Variants in LUZP2 observed in about 807,000 individuals in gnomAD.
LUZP2 encodes the protein leucine zipper protein 2.
A neutral mutation model predicts 51.6 loss-of-function variants in LUZP2; 52 were observed. The ratio of observed to expected loss-of-function variants is 1.01; its 90% CI spans 0.81 to 1.27. The LOEUF is 1.27. Among genes scored for constraint, LUZP2 ranks in the 50% most tolerant of loss-of-function variants. The pLI, the probability that LUZP2 is intolerant of heterozygous loss-of-function variation, is 0.00. For synonymous variants in LUZP2, 154 were observed against 137.3 expected, an observed-to-expected ratio of 1.12 and a Z score of -0.85; for missense variants, 436 against 395.4, an observed-to-expected ratio of 1.10 and a Z score of -0.87.
intron 10 of LUZP2, among the ~76,000 whole-genome samples, chr11:25,066,189 A>T (rs751720450): frequency 1.3e-5 from 2 of 151,726 alleles, no homozygotes; most frequent in Non-Finnish European, 2.9e-5. Flanking sequence ...AAAATCTCCC[A>T]ACTCTTCCTA....
intron 5 of LUZP2, among the ~76,000 whole-genome samples, chr11:24,827,327 A>G (rs1335785054): frequency 6.6e-6 from 1 of 152,202 alleles, no homozygotes; most frequent in Non-Finnish European, 1.5e-5. Context: ...GATAACTTAC[A>G]ATATCTTTTC....
In LUZP2 at chr11:24,982,894, A is replaced by G. The variant is rs79816667; in HGVS notation, c.598-232A>G. On this transcript the variant is annotated intron_variant, in intron 8 of 11. Transcript: ENST00000336930. Reference sequence around the variant, plus strand: ...TCAGTTCAAGAGAAAGTAATAAGACATATCTTTGTATTTCAGTGTTCAAAA... The same window carrying G: ...TCAGTTCAAGAGAAAGTAATAAGACGTATCTTTGTATTTCAGTGTTCAAAA... Among the ~76,000 whole-genome samples, 1,187 of 151,980 alleles carry G rather than the reference A, an allele frequency of 7.8e-3. 34 individuals carry two copies. In the East Asian group the frequency reaches 0.095, roughly 12 times the overall value.
chr11:24,700,174 G>A (rs1450039933), intron 1 of LUZP2, among the ~76,000 whole-genome samples: 1 of 144,618 alleles, frequency 6.9e-6, no homozygotes, highest in Non-Finnish European at 1.5e-5. Flanking sequence ...CAAGTCTCTT[G>A]CCTCAGCCTC....
At chr11:24,835,028 C>T (rs975935789) in intron 5 of LUZP2, among the ~76,000 whole-genome samples, 19 of 151,936 alleles carry the variant, frequency 1.3e-4, no homozygotes, top group African/African-American at 4.3e-4. Flanking sequence ...CAAAAGTTTT[C>T]TCCCATTCTG....
intron 1 of LUZP2, among the ~76,000 whole-genome samples, chr11:24,577,730 C>A (rs1341753686): frequency 6.6e-6 from 1 of 151,966 alleles, no homozygotes; most frequent in African/African-American, 2.4e-5. Flanking sequence ...TTCTAATTTA[C>A]CCCCACCCCA....
intron 1 of LUZP2, among the ~76,000 whole-genome samples, chr11:24,571,994 A>G (rs5008808): frequency 0.58 from 87,617 of 151,684 alleles, 25,831 homozygotes; most frequent in East Asian, 0.8. Context: ...CTAATAAGCA[A>G]GAAAAATTAT....
At chr11:25,029,808 A>G (rs937707886) in intron 9 of LUZP2, among the ~76,000 whole-genome samples, 2 of 29,100 alleles carry the variant, frequency 6.9e-5, no homozygotes, top group Non-Finnish European at 6.7e-5. Context: ...TTCTCTCATA[A>G]AATTTGCTTT....
In LUZP2 at chr11:24,955,676, G is replaced by A. The variant is rs570274723; in HGVS notation, c.523-20915G>A. Among the ~76,000 whole-genome samples, 7 of 152,042 alleles carry A rather than the reference G, an allele frequency of 4.6e-5. 1 individual carries two copies. The highest frequency in any genetic ancestry group is 1.4e-4 in the African/African-American group (6 of 41,508). On this transcript the variant is annotated intron_variant, in intron 7 of 11. Transcript: ENST00000336930. ...GTTCAGGGGGATTTGAACAAAAAACGTGGGTGCATTCTAAACTAATTTCAT... is the reference window on the plus strand; with the variant it reads ...GTTCAGGGGGATTTGAACAAAAAACATGGGTGCATTCTAAACTAATTTCAT...
intron 5 of LUZP2, among the ~76,000 whole-genome samples, chr11:24,846,791 GTC>G (rs1477326194): frequency 2.6e-5 from 4 of 151,774 alleles, no homozygotes; most frequent in African/African-American, 9.7e-5. Flanking sequence ...CATCACATCA[GTC>G]TCTCTCTTTT....
intron 7 of LUZP2, among the ~76,000 whole-genome samples, chr11:24,922,312 G>T (rs539165357): frequency 8.5e-5 from 13 of 152,076 alleles, no homozygotes; most frequent in Non-Finnish European, 1.3e-4. Flanking sequence ...TACCTCTATT[G>T]TCATCTGCTC....
chr11:24,920,438 T>A (rs1244215530), intron 7 of LUZP2, among the ~76,000 whole-genome samples: 2 of 152,036 alleles, frequency 1.3e-5, no homozygotes, highest in Non-Finnish European at 2.9e-5. Context: ...ATCTCACTGT[T>A]GGGTATCTAC....
chr11:24,647,254 TTCTGTATTTTTCTACCTTC>T, intron 1 of LUZP2, among the ~76,000 whole-genome samples: 1 of 152,122 alleles, frequency 6.6e-6, no homozygotes, highest in East Asian at 1.9e-4. Context: ...CAAAACACCT[TTCTGTATTTTTCTACCTTC>T]AATCATTGCT....
intron 1 of LUZP2, among the ~76,000 whole-genome samples, chr11:24,536,476 C>T (rs1209733506): frequency 6.6e-6 from 1 of 151,834 alleles, no homozygotes; most frequent in Non-Finnish European, 1.5e-5. Flanking sequence ...TGCTGCTTCA[C>T]CTTGCACTTT....
chr11:24,652,508 A>C (rs979072137), intron 1 of LUZP2, among the ~76,000 whole-genome samples: 2 of 152,140 alleles, frequency 1.3e-5, no homozygotes, highest in African/African-American at 4.8e-5. Context: ...GAAAAGATTA[A>C]ACGTGAAAAT....
chr11:24,961,794 T>G (rs1855417173), intron 7 of LUZP2, among the ~76,000 whole-genome samples: 1 of 150,314 alleles, frequency 6.7e-6, no homozygotes, highest in Middle Eastern at 3.4e-3. Context: ...GTCATTATGA[T>G]GTTAGCTGGT....
chr11:24,701,951 C>T (rs1241906368), intron 1 of LUZP2, among the ~76,000 whole-genome samples: 1 of 152,104 alleles, frequency 6.6e-6, no homozygotes, highest in Non-Finnish European at 1.5e-5. Context: ...TTTCTATTCC[C>T]ATGTTGTTTT....
At chr11:24,619,070 C>T (rs1854401535) in intron 1 of LUZP2, among the ~76,000 whole-genome samples, 1 of 150,186 alleles carries the variant, frequency 6.7e-6, no homozygotes, top group African/African-American at 2.4e-5. Context: ...GCTTTTTTAC[C>T]CAAGTTGCAG....
chr11:24,535,404 T>C (rs1479493834), intron 1 of LUZP2, among the ~76,000 whole-genome samples: 3 of 151,624 alleles, frequency 2.0e-5, no homozygotes, highest in South Asian at 2.1e-4. Flanking sequence ...CTTTCAAAAT[T>C]GGAGTTAACT....
At chr11:25,010,875 C>T (rs1420023795) in intron 9 of LUZP2, among the ~76,000 whole-genome samples, 3 of 151,962 alleles carry the variant, frequency 2.0e-5, no homozygotes, top group African/African-American at 7.3e-5. Flanking sequence ...ATAATAATAA[C>T]AACACTGCGA....
Sources: gnomAD v4.1 joint callset for allele counts (sites outside exome capture counted in the v4.1 genomes callset) on GRCh38, gnomAD v4.1.1 for gene constraint, MANE v1.5 for transcripts, NCBI Gene and HGNC (gene_info 2026-07-23, HGNC 2026-07-21) for gene names.